The following DCDC2 variants were observed in gnomAD, a reference collection of about 807,000 sequenced individuals.
DCDC2 encodes the protein doublecortin domain-containing protein 2.
DCDC2 carries 40 observed loss-of-function variants against 50.2 expected under a neutral mutation model. That is an observed-to-expected ratio of 0.80 (90% CI 0.62 to 1.04). The LOEUF (loss-of-function observed/expected upper bound fraction) is 1.04, where lower values mean the gene tolerates loss of function less well. DCDC2 is among the 50% of genes least tolerant of loss of function. The pLI is 0.00. For synonymous variants in DCDC2, 234 were observed against 210.6 expected, an observed-to-expected ratio of 1.11 and a Z score of -0.96; for missense variants, 570 against 581.9, an observed-to-expected ratio of 0.98 and a Z score of 0.21.
intron 7 of DCDC2, among the ~76,000 whole-genome samples, chr6:24,221,122 CCTT>C (rs1193070425): frequency 6.6e-6 from 1 of 152,134 alleles, no homozygotes; most frequent in Non-Finnish European, 1.5e-5. Context: ...GGGGTACAGA[CCTT>C]CTCTCTTCAT....
chr6:24,174,245 T>C lies in DCDC2; in HGVS notation c.*485A>G, dbSNP rs1000865698. On this transcript the variant is annotated 3_prime_UTR_variant, in exon 10 of 10. Coordinates refer to ENST00000378454, the MANE Select transcript of DCDC2 (RefSeq NM_016356.5). The stretch of plus-strand genomic sequence containing the variant: ...CATGTTAACAAGTCATGGACACATT[T>C]TGATCTACTGCCATCTCCAAATTAT... 1 of 153,070 alleles carries C rather than the reference T, an allele frequency of 6.5e-6. No homozygotes were observed. The highest frequency in any genetic ancestry group is 2.4e-5 in the African/African-American group (1 of 41,476). The allele number at this position is 153,070 out of a possible 1,614,324, so 9.5% of individuals were successfully genotyped here. A position where few individuals can be genotyped will look rare whatever the true frequency, so the allele number is the denominator to read the frequency against.
the DCDC2 span, among the ~76,000 whole-genome samples, chr6:24,375,420 C>A: frequency 8.3e-5 from 2 of 24,210 alleles, no homozygotes; most frequent in East Asian, 4.6e-3. Flanking sequence ...TGTGTAAACT[C>A]CCCCCCCCAA....
chr6:24,216,544 T>G (rs571696328), intron 7 of DCDC2, among the ~76,000 whole-genome samples: 1 of 152,294 alleles, frequency 6.6e-6, no homozygotes, highest in South Asian at 2.1e-4. Context: ...GACGACTCTT[T>G]CAAGATGATT....
chr6:24,200,739 G>A (rs1294443263), intron 8 of DCDC2, among the ~76,000 whole-genome samples: 1 of 151,598 alleles, frequency 6.6e-6, no homozygotes, highest in Non-Finnish European at 1.5e-5. Flanking sequence ...TCGGTGTGCT[G>A]TATTCAGGAG....
intron 7 of DCDC2, among the ~76,000 whole-genome samples, chr6:24,211,599 G>T (rs1761872079): frequency 6.6e-6 from 1 of 152,154 alleles, no homozygotes; most frequent in Non-Finnish European, 1.5e-5. Context: ...GTGAAAAAGA[G>T]GAAGGAGGCC....
intron 7 of DCDC2, among the ~76,000 whole-genome samples, chr6:24,269,373 G>A (rs1763191071): frequency 6.6e-6 from 1 of 152,128 alleles, no homozygotes; most frequent in African/African-American, 2.4e-5. Context: ...AACATAATTT[G>A]GCATTTAGGG....
intron 8 of DCDC2, among the ~76,000 whole-genome samples, chr6:24,188,662 T>C (rs948301892): frequency 3.3e-5 from 5 of 152,224 alleles, no homozygotes; most frequent in African/African-American, 1.2e-4. Flanking sequence ...TAGAAATTGT[T>C]TCTCTAAGGA....
chr6:24,336,320 CT>C (rs953862799), intron 2 of DCDC2, among the ~76,000 whole-genome samples: 6 of 151,608 alleles, frequency 4.0e-5, no homozygotes, highest in South Asian at 2.1e-4. Flanking sequence ...GCAGAGACTT[CT>C]TTTTTTTTCC....
chr6:24,181,490 C>G (rs78735016), intron 8 of DCDC2, among the ~76,000 whole-genome samples: 1 of 151,980 alleles, frequency 6.6e-6, no homozygotes, highest in Non-Finnish European at 1.5e-5. Context: ...AAAAACAGAA[C>G]GGAGGAGAAT....
intron 7 of DCDC2, among the ~76,000 whole-genome samples, chr6:24,222,855 T>C (rs746557879): frequency 3.3e-4 from 50 of 152,350 alleles, no homozygotes; most frequent in Middle Eastern, 6.8e-3. Flanking sequence ...AGTTCTATTA[T>C]TAAAGCCATT....
the DCDC2 span, among the ~76,000 whole-genome samples, chr6:24,376,737 C>CAAAAAAAAAAAAAA: frequency 2.1e-5 from 1 of 46,770 alleles, no homozygotes; most frequent in Non-Finnish European, 3.6e-5. Flanking sequence ...CAGGTATATG[C>CAAAAAAAAAAAAAA]AAAAAAAAAA....
At chr6:24,356,517 G>T (rs925557229) in intron 1 of DCDC2, among the ~76,000 whole-genome samples, 2 of 152,072 alleles carry the variant, frequency 1.3e-5, no homozygotes, top group Non-Finnish European at 2.9e-5. Context: ...CAATGAAATG[G>T]TTGGACTTCA....
the DCDC2 span, among the ~76,000 whole-genome samples, chr6:24,369,038 G>T: frequency 6.6e-6 from 1 of 150,722 alleles, no homozygotes; most frequent in African/African-American, 2.5e-5. Context: ...GTAGGCTGAG[G>T]CAGGAGAATT....
chr6:24,353,658 T>C (rs752562787), intron 1 of DCDC2, 35 bp from the exon 2 acceptor site: 4 of 1,312,424 alleles, frequency 3.0e-6, no homozygotes, highest in Non-Finnish European at 3.2e-6. Flanking sequence ...AAGAGTTGCT[T>C]TTATAGACTT....
At chr6:24,356,115 C>T (rs1298927526) in intron 1 of DCDC2, among the ~76,000 whole-genome samples, 4 of 152,066 alleles carry the variant, frequency 2.6e-5, no homozygotes, top group African/African-American at 9.7e-5. Flanking sequence ...TTCATAGATG[C>T]ATTATTCATA....
intron 6 of DCDC2, among the ~76,000 whole-genome samples, chr6:24,284,304 G>A (rs1393322848): frequency 6.6e-6 from 1 of 152,072 alleles, no homozygotes; most frequent in Non-Finnish European, 1.5e-5. Flanking sequence ...CAGCCAGAAT[G>A]AGCACTTAAA....
chr6:24,217,824 T>A (rs1012119673), intron 7 of DCDC2, among the ~76,000 whole-genome samples: 3 of 152,234 alleles, frequency 2.0e-5, no homozygotes, highest in African/African-American at 7.2e-5. Context: ...ATATAATAAC[T>A]TTAACTGGTG....
At chr6:24,347,637 G>A (rs1357855917) in intron 2 of DCDC2, among the ~76,000 whole-genome samples, 1 of 152,132 alleles carries the variant, frequency 6.6e-6, no homozygotes, top group East Asian at 1.9e-4. Context: ...AAAGACTTGA[G>A]CGTCCTTGGA....
At chr6:24,349,171 AG>A (rs1760318410) in intron 2 of DCDC2, among the ~76,000 whole-genome samples, 1 of 152,236 alleles carries the variant, frequency 6.6e-6, no homozygotes, top group Admixed American at 6.5e-5. Flanking sequence ...TTCCATTTGA[AG>A]GGTCCACAAA....
Sources: gnomAD v4.1 joint callset for allele counts (sites outside exome capture counted in the v4.1 genomes callset) on GRCh38, gnomAD v4.1.1 for gene constraint, MANE v1.5 for transcripts, NCBI Gene and HGNC (gene_info 2026-07-23, HGNC 2026-07-21) for gene names.